AMBRA1: variants seen among roughly 807,000 people sequenced by gnomAD.
AMBRA1 encodes autophagy and beclin 1 regulator 1.
AMBRA1 carries 47 observed loss-of-function variants against 125.4 expected under a neutral mutation model. That is an observed-to-expected ratio of 0.37 (90% CI 0.30 to 0.48). The LOEUF is 0.48. AMBRA1 is among the 20% of genes least tolerant of loss of function. The pLI is 0.99. For synonymous variants in AMBRA1, 626 were observed against 655.5 expected (o/e 0.95, Z 0.69); for missense variants, 1,331 against 1,693.4 (o/e 0.79, Z 3.76).
intron 1 of AMBRA1, among the ~76,000 whole-genome samples, chr11:46,573,871 T>TG (rs1383630950): frequency 7.5e-6 from 1 of 133,852 alleles, no homozygotes; most frequent in African/African-American, 2.8e-5. Context: ...TGTGTCCATG[T>TG]GATCTCATTG....
chr11:46,542,417 G>A lies in AMBRA1; in HGVS notation c.1600C>T (p.Leu534Phe), dbSNP rs775690762. 116 of 1,613,984 alleles carry A rather than the reference G, an allele frequency of 7.2e-5. No homozygotes were observed. The highest frequency in any genetic ancestry group is 9.3e-5 in the Non-Finnish European group (110 of 1,180,038). Residue 534 changes from leucine (L) to phenylalanine (F), a missense_variant, in exon 7 of 18, where the codon CTC (leucine) becomes TTC (phenylalanine). Around this residue, in one of 4 missense-constraint regions of AMBRA1, gnomAD observed 689 missense variants for 776.5 expected, o/e 0.89. Transcript: ENST00000683756. This position sits in a 1 kb window ranked among gnomAD's most constrained non-coding sequence, Gnocchi z 5.9. Reference sequence around the variant, plus strand: ...CTCTCAGATTCAATGTTATTGTTGAGCATTTCCTGGGCCTGTTGGGTCTGG... The same window carrying A: ...CTCTCAGATTCAATGTTATTGTTGAACATTTCCTGGGCCTGTTGGGTCTGG... Reference protein sequence around the residue: ...APQTQQAQEMLNNNIESERPG... With the variant: ...APQTQQAQEMFNNNIESERPG...
intron 15 of AMBRA1, among the ~76,000 whole-genome samples, chr11:46,413,633 G>T (rs1946398248): frequency 6.6e-6 from 1 of 152,146 alleles, no homozygotes; most frequent in South Asian, 2.1e-4. Flanking sequence ...TGGGATTACA[G>T]GTGTGTGCCA....
intron 11 of AMBRA1, among the ~76,000 whole-genome samples, chr11:46,482,906 C>A (rs1042587954): frequency 6.6e-6 from 1 of 151,206 alleles, no homozygotes; most frequent in Non-Finnish European, 1.5e-5. Flanking sequence ...CTACTCAGGA[C>A]GCTGAGGCAG....
At chr11:46,487,585 C>T (rs1565210120) in intron 11 of AMBRA1, among the ~76,000 whole-genome samples, 1 of 151,854 alleles carries the variant, frequency 6.6e-6, no homozygotes, top group African/African-American at 2.4e-5. Flanking sequence ...AATGGAGCCA[C>T]AGGGGAACAA....
chr11:46,397,632 G>A lies in AMBRA1; in HGVS notation c.3715C>T (p.Pro1239Ser). 6.2e-7 allele frequency: 1 copy of A among 1,612,126 alleles called. No individual in the cohort carries two copies. The highest frequency in any genetic ancestry group is 1.7e-5 in the Admixed American group (1 of 59,890). The change falls in exon 18 of 18, where the codon CCT (proline) becomes TCT (serine). Residue 1239 changes from proline to serine, a missense_variant. Physicochemically the swap from Pro to Ser is moderately conservative, Grantham distance 74. This residue lies in a region of AMBRA1 where 144 missense variants were observed against 133.9 expected (regional missense o/e 1.08). Coordinates refer to ENST00000683756, the MANE Select transcript of AMBRA1 (RefSeq NM_001387011.1). ...RTASWDQPGT[P>S]GREPTQPTLP... ...GTTGGCTGGGTTGGCTCCCGCCCAG[G>A]GGTACCAGGCTGGTCCCAGGAAGCT...
chr11:46,450,337 GA>G (rs1469043444), intron 11 of AMBRA1, among the ~76,000 whole-genome samples: 1 of 152,180 alleles, frequency 6.6e-6, no homozygotes, highest in Admixed American at 6.5e-5. Context: ...CCAACTGTAT[GA>G]GATTCTGGAA....
chr11:46,589,743 C>T (rs1267929795), intron 1 of AMBRA1, among the ~76,000 whole-genome samples: 2 of 151,516 alleles, frequency 1.3e-5, no homozygotes, highest in African/African-American at 2.4e-5. Context: ...CCTCAGTCTC[C>T]CAAGTAACTG....
At chr11:46,400,477 T>G (rs1346906890) in intron 17 of AMBRA1, among the ~76,000 whole-genome samples, 2 of 60,068 alleles carry the variant, frequency 3.3e-5, no homozygotes, top group African/African-American at 2.2e-4. Context: ...TCTATAGTTT[T>G]TTTTTTTTTT....
chr11:46,495,611 AGGGG>A (rs548008792), intron 9 of AMBRA1: 1 of 152,240 alleles, frequency 6.6e-6, no homozygotes, highest in Non-Finnish European at 1.5e-5. Flanking sequence ...GGAATGTAAA[AGGGG>A]GGTTAAAGAG....
intron 14 of AMBRA1, among the ~76,000 whole-genome samples, chr11:46,419,927 G>A (rs1460411820): frequency 6.7e-6 from 1 of 149,692 alleles, no homozygotes; most frequent in Non-Finnish European, 1.5e-5. Context: ...TGTGCCTTGG[G>A]TACGTATCTG....
At chr11:46,404,101 A>G (rs1945889706) in intron 17 of AMBRA1, among the ~76,000 whole-genome samples, 1 of 152,154 alleles carries the variant, frequency 6.6e-6, no homozygotes, top group South Asian at 2.1e-4. Flanking sequence ...AGGTGGGAGG[A>G]TCCCTTGAGC....
At chr11:46,496,148 AG>A (rs1950621694) in intron 9 of AMBRA1, among the ~76,000 whole-genome samples, 1 of 151,938 alleles carries the variant, frequency 6.6e-6, no homozygotes, top group South Asian at 2.1e-4. Flanking sequence ...CTGAGGCAGG[AG>A]GATCACCTAG....
rs919975831 is a variant in AMBRA1 at position 46,428,937 on chromosome 11, T to C, written c.2976+4537A>G. On this transcript the variant is annotated intron_variant, in intron 14 of 17. Transcript: ENST00000683756. ...CGGAGATACTGGATACCCTCATTGG[T>C]AAGGTACCAGTAGAAATGTCTCCAG... 1.9e-6 allele frequency: 3 copies of C among 1,611,978 alleles called. No individual in the cohort carries two copies. The African/African-American group carries it at 4.0e-5, about 22-fold the overall frequency.
intron 15 of AMBRA1, among the ~76,000 whole-genome samples, chr11:46,414,536 C>T (rs2136637576): frequency 6.6e-6 from 1 of 152,314 alleles, no homozygotes; most frequent in South Asian, 2.1e-4. Context: ...AGTGGGCTTC[C>T]CGCCAGCACC....
rs534296709 is a variant in AMBRA1, at chr11:46,446,921, G to A, written c.2522-3323C>T. Among the ~76,000 whole-genome samples the A allele has an allele frequency of 5.3e-5, 8 of 152,262 alleles. No homozygotes were observed. The East Asian group carries it at 1.2e-3, about 22-fold the overall frequency. ...TCCATATCTGCCAATGGGATCTTAC[G>A]GCTTGTTTTTTGTTTGTTTTGAGAA... On this transcript the variant is annotated intron_variant, in intron 11 of 17. Transcript: ENST00000683756.
chr11:46,582,157 T>G (rs1015816002), intron 1 of AMBRA1, among the ~76,000 whole-genome samples: 2 of 151,556 alleles, frequency 1.3e-5, no homozygotes. Flanking sequence ...TAGTCCTGCC[T>G]AAGTCTCTAT....
chr11:46,549,446 A>C (rs2042922825), intron 1 of AMBRA1, among the ~76,000 whole-genome samples: 1 of 152,094 alleles, frequency 6.6e-6, no homozygotes, highest in Admixed American at 6.5e-5. Flanking sequence ...ATCTATCTCC[A>C]TGGATAGAGA....
chr11:46,444,855 C>T (rs915584171), intron 11 of AMBRA1, among the ~76,000 whole-genome samples: 1 of 152,208 alleles, frequency 6.6e-6, no homozygotes, highest in East Asian at 1.9e-4. Flanking sequence ...ACTCTCTGCA[C>T]TCTTCCGGTT....
chr11:46,398,090 G>A (rs908932894), intron 17 of AMBRA1, 147 bp from the exon 18 acceptor site: 3 of 1,142,728 alleles, frequency 2.6e-6, no homozygotes, highest in South Asian at 1.7e-5. Flanking sequence ...AAACCAATCC[G>A]AGTCTTGAAA....
Sources: gnomAD v4.1 joint callset for allele counts (sites outside exome capture counted in the v4.1 genomes callset) on GRCh38, gnomAD v4.1.1 for gene constraint, gnomAD v4.1.1 regional missense constraint, Gnocchi (gnomAD v3.1) non-coding constraint, MANE v1.5 for transcripts, NCBI Gene and HGNC (gene_info 2026-07-23, HGNC 2026-07-21) for gene names.